The following LRRC74B variants were observed in gnomAD, a reference collection of about 807,000 sequenced individuals.
LRRC74B encodes the protein leucine-rich repeat-containing protein 74B.
A neutral mutation model predicts 16.6 loss-of-function variants in LRRC74B; 30 were observed. That is an observed-to-expected ratio of 1.80 (90% CI 1.35 to 2.45). LRRC74B has a LOEUF of 2.45. Ranked by LOEUF, LRRC74B falls within the 30% of genes most tolerant of loss-of-function variation. The pLI is 0.00. For synonymous variants in LRRC74B, 134 were observed against 86.0 expected (o/e 1.56, Z -3.09); for missense variants, 326 against 202.4 (o/e 1.61, Z -3.71).
chr22:21,045,975 A>G, upstream of LRRC74B: 1 of 717,162 alleles, frequency 1.4e-6, no homozygotes. Context: ...AGACTGCGAG[A>G]GGGTCGTAAC....
intron 1 of LRRC74B, 34 bp downstream of exon 1, chr22:21,046,159 C>A (rs1302782903): frequency 1.4e-6 from 1 of 714,132 alleles, no homozygotes; most frequent in South Asian, 1.5e-5. Flanking sequence ...CGACTCCTCC[C>A]CTTTGGGGGT....
intron 3 of LRRC74B, 94 bp from the exon 4 acceptor site, chr22:21,048,857 C>T (rs1190157691): frequency 7.5e-6 from 5 of 663,692 alleles, no homozygotes; most frequent in East Asian, 2.7e-5. Context: ...AAGTCCCCTT[C>T]CTCAGCCTCA....
At chr22:21,054,910 C>G (rs1930369030) in intron 6 of LRRC74B, among the ~76,000 whole-genome samples, 188 bp from the exon 7 acceptor site, 1 of 152,170 alleles carries the variant, frequency 6.6e-6, no homozygotes. Context: ...CCGTGTGATT[C>G]CTCTGAACGG....
At chr22:21,046,119 A>T in exon 1 of LRRC74B, 1 of 716,858 alleles carries the variant, frequency 1.4e-6, no homozygotes, top group Non-Finnish European at 2.6e-6. Context: ...CGACCTGGAG[A>T]CGGAAGGTGC....
chr22:21,063,412 C>G (rs528574608), downstream of LRRC74B: 6 of 152,182 alleles, frequency 3.9e-5, no homozygotes, highest in African/African-American at 1.4e-4. Context: ...GAATATGGGA[C>G]TTCAGGCAGG....
intron 6 of LRRC74B, among the ~76,000 whole-genome samples, chr22:21,054,681 C>G (rs60498544): frequency 0.081 from 12,284 of 152,234 alleles, 907 homozygotes; most frequent in East Asian, 0.37. Flanking sequence ...GGGACTGACT[C>G]CGGAGACAAA....
At chr22:21,057,065 C>G (rs558064991) in intron 7 of LRRC74B, 40 bp from the exon 8 acceptor site, 84 of 715,998 alleles carry the variant, frequency 1.2e-4, no homozygotes, top group Middle Eastern at 2.5e-4. Context: ...CTGGCCTTCC[C>G]GGACCTGGCT....
chr22:21,045,979 T>A, upstream of LRRC74B: 1 of 717,012 alleles, frequency 1.4e-6, no homozygotes, highest in South Asian at 1.5e-5. Context: ...TGCGAGAGGG[T>A]CGTAACCATG....
At chr22:21,061,541 TAGCCCCA>T (rs531228608), downstream of LRRC74B, among the ~76,000 whole-genome samples, 136 of 91,924 alleles carry the variant, frequency 1.5e-3, no homozygotes, top group African/African-American at 9.3e-3. Context: ...CACGTGCCTG[TAGCCCCA>T]GCCATTCAGA....
In LRRC74B at chr22:21,055,080, C is replaced by A. The variant is rs1377672767; in HGVS notation, c.849-18C>A. ...TTGGAAGGTTGCACAATGCATGTGC[C>A]TGTTGTTTTTGTTGCAGTAACAACC... On this transcript the variant is annotated intron_variant, in intron 6 of 8. Transcript: ENST00000442047. 1.4e-6 allele frequency: 1 copy of A among 716,568 alleles called. No homozygotes were observed. 44.4% of individuals were successfully genotyped at this position (716,568 alleles called of 1,614,324 possible).
At chr22:21,051,320 GAGGGTTCTGTTCGGCC>G (rs1467723341) in intron 4 of LRRC74B, among the ~76,000 whole-genome samples, 2 of 152,116 alleles carry the variant, frequency 1.3e-5, no homozygotes, top group African/African-American at 2.4e-5. Context: ...ATGACCGCTG[GAGGGTTCTGTTCGGCC>G]ATGTTGCTCC....
chr22:21,062,247 T>C (rs1325896561), downstream of LRRC74B: 1 of 152,130 alleles, frequency 6.6e-6, no homozygotes, highest in African/African-American at 2.4e-5. Flanking sequence ...GTGGATTTCT[T>C]TGGGGGGTGA....
At chr22:21,050,702 C>T (rs1449212091) in intron 4 of LRRC74B, among the ~76,000 whole-genome samples, 2 of 149,074 alleles carry the variant, frequency 1.3e-5, no homozygotes, top group African/African-American at 5.0e-5. Flanking sequence ...GGCATGAACC[C>T]AGGAGGCGGA....
At position 21,057,199 on chromosome 22, in the gene LRRC74B, CAGTA is replaced by C. The variant is rs1487173564; in HGVS notation, c.1023+2_1023+5del. 1 of 717,306 alleles carries C rather than the reference CAGTA, an allele frequency of 1.4e-6. No individual in the cohort carries two copies. The highest frequency in any genetic ancestry group is 1.5e-5 in the South Asian group (1 of 67,584). The allele number at this position is 717,306 out of a possible 1,614,324, so 44.4% of individuals were successfully genotyped here. A position where few individuals can be genotyped will look rare whatever the true frequency, so the allele number is the denominator to read the frequency against. On this transcript the variant is annotated splice_donor_variant and splice_donor_region_variant and coding_sequence_variant and intron_variant, in exon 8 of 9. Transcript: ENST00000442047. LOFTEE classifies it high-confidence loss of function. ...TCTGCCCTGGAACTGCTGGATTTCT[CAGTA>C]AGAGCATTTTATAAACCTCGTTTCT...
At chr22:21,047,147 C>G (rs1410932099) in intron 1 of LRRC74B, among the ~76,000 whole-genome samples, 3 of 151,814 alleles carry the variant, frequency 2.0e-5, no homozygotes, top group African/African-American at 4.8e-5. Context: ...GTCCAGCTTT[C>G]TTTTGATAGC....
At chr22:21,060,261 C>T (rs9613587) in intron 8 of LRRC74B, 112 bp from the exon 9 acceptor site, 20,010 of 613,058 alleles carry the variant, frequency 0.033, 426 homozygotes, top group Middle Eastern at 0.053. Context: ...CTGTCATCCA[C>T]AGGGGAGAAG....
intron 8 of LRRC74B, among the ~76,000 whole-genome samples, chr22:21,058,990 C>A (rs1284111255): frequency 6.6e-6 from 1 of 152,224 alleles, no homozygotes; most frequent in Non-Finnish European, 1.5e-5. Flanking sequence ...TGATGGTTCA[C>A]GCCTATAACC....
chr22:21,062,943 A>C (rs1209858287), downstream of LRRC74B: 1 of 150,482 alleles, frequency 6.6e-6, no homozygotes, highest in Non-Finnish European at 1.5e-5. Context: ...AGGTGGGAGG[A>C]TCACTCAAAC....
At position 21,052,200 on chromosome 22, in the gene LRRC74B, G is replaced by A. The variant is rs1280809217; in HGVS notation, c.623-49G>A. 3 of 715,360 alleles carry A rather than the reference G, an allele frequency of 4.2e-6. No homozygotes were observed. In the Admixed American group the frequency reaches 6.0e-5, roughly 14 times the overall value. 44.3% of individuals were successfully genotyped at this position (715,360 alleles called of 1,614,324 possible). On this transcript the variant is annotated intron_variant, in intron 4 of 8. Transcript: ENST00000442047. ...GCAGTGGGCATCAGTGTGATCTTTT[G>A]AAGGAGTGAAGAGAGTGAGTCAGAA... is the stretch of plus-strand genomic sequence containing the variant.
Sources: gnomAD v4.1 joint callset for allele counts (sites outside exome capture counted in the v4.1 genomes callset) on GRCh38, gnomAD v4.1.1 for gene constraint, MANE v1.5 for transcripts, NCBI Gene and HGNC (gene_info 2026-07-23, HGNC 2026-07-21) for gene names.